Variants in NEDD4 observed in about 807,000 individuals in gnomAD.
The protein encoded by NEDD4 is E3 ubiquitin-protein ligase NEDD4.
A neutral mutation model predicts 144.9 loss-of-function variants in NEDD4; 99 were observed. That is an observed-to-expected ratio of 0.68 (90% CI 0.58 to 0.81). NEDD4 has a LOEUF of 0.81. Among genes scored for constraint, NEDD4 ranks in the 30% least tolerant of loss-of-function variants. NEDD4 has a pLI of 0.00. For synonymous variants in NEDD4, 318 were observed against 350.6 expected, an observed-to-expected ratio of 0.91 and a Z score of 1.04; for missense variants, 985 against 1,065.9, an observed-to-expected ratio of 0.92 and a Z score of 1.06.
chr15:55,935,543 T>C (rs925054003), intron 4 of NEDD4, among the ~76,000 whole-genome samples: 27 of 152,046 alleles, frequency 1.8e-4, no homozygotes, highest in South Asian at 4.2e-4. Flanking sequence ...GTTTTTTACT[T>C]TTTTAAAGGG....
At chr15:55,947,225 T>G (rs2037132562) in intron 4 of NEDD4, among the ~76,000 whole-genome samples, 1 of 152,168 alleles carries the variant, frequency 6.6e-6, no homozygotes, top group South Asian at 2.1e-4. Context: ...AGGAGGTAGT[T>G]TTTTGAAAAG....
At chr15:55,931,583 T>A (rs1310353470) in intron 4 of NEDD4, among the ~76,000 whole-genome samples, 1 of 152,082 alleles carries the variant, frequency 6.6e-6, no homozygotes, top group Non-Finnish European at 1.5e-5. Context: ...TATAAATGCA[T>A]AAAACAACAG....
chr15:55,838,242 T>C, intron 22 of NEDD4, 62 bp from the exon 23 acceptor site: 1 of 1,140,868 alleles, frequency 8.8e-7, no homozygotes, highest in Non-Finnish European at 1.3e-6. Context: ...AAAGTATACA[T>C]ATTGTAGTTA....
chr15:55,830,096 C>A, intron 28 of NEDD4, 97 bp from the exon 29 acceptor site: 1 of 801,812 alleles, frequency 1.2e-6, no homozygotes, highest in South Asian at 1.7e-5. Context: ...TGAGAATGTT[C>A]CAACACCACC....
intron 24 of NEDD4, among the ~76,000 whole-genome samples, chr15:55,836,870 G>A (rs570456123): frequency 4.6e-5 from 7 of 150,892 alleles, no homozygotes; most frequent in African/African-American, 1.5e-4. Context: ...TGTTGTCCAC[G>A]TTGGTCTCGA....
chr15:55,935,842 T>TTC, intron 4 of NEDD4, among the ~76,000 whole-genome samples: 1 of 110,696 alleles, frequency 9.0e-6, no homozygotes. Flanking sequence ...TGAGACTCTG[T>TTC]TTCAAAAAAA....
At chr15:55,911,716 G>A (rs2036281793) in intron 5 of NEDD4, among the ~76,000 whole-genome samples, 2 of 151,946 alleles carry the variant, frequency 1.3e-5, no homozygotes, top group Non-Finnish European at 2.9e-5. Context: ...TTTTAGTAGA[G>A]ACGGGGTTTC....
intron 18 of NEDD4, among the ~76,000 whole-genome samples, chr15:55,843,536 A>G (rs2033610715): frequency 6.6e-6 from 1 of 152,180 alleles, no homozygotes; most frequent in African/African-American, 2.4e-5. Flanking sequence ...ATTCCTCAGT[A>G]CTTCATGGGC....
intron 1 of NEDD4, among the ~76,000 whole-genome samples, chr15:55,990,724 T>G (rs2140459247): frequency 6.6e-6 from 1 of 152,284 alleles, no homozygotes; most frequent in South Asian, 2.1e-4. Context: ...CACCTCCATA[T>G]CACAGGGAGG....
intron 13 of NEDD4, among the ~76,000 whole-genome samples, chr15:55,851,208 G>T (rs2033966992): frequency 6.6e-6 from 1 of 152,082 alleles, no homozygotes. Flanking sequence ...AAAATGAATG[G>T]CAAATATCTA....
intron 28 of NEDD4, 88 bp from the exon 29 acceptor site, chr15:55,830,087 G>T: frequency 1.1e-6 from 1 of 912,264 alleles, no homozygotes; most frequent in East Asian, 2.5e-5. Flanking sequence ...TATTCTTGAT[G>T]AGAATGTTCC....
intron 1 of NEDD4, among the ~76,000 whole-genome samples, chr15:55,971,085 A>G (rs1595882711): frequency 6.6e-6 from 1 of 152,216 alleles, no homozygotes. Flanking sequence ...TTTAACAAAG[A>G]GATTAAAAAC....
chr15:55,898,106 A>AC (rs2035795510), intron 5 of NEDD4, among the ~76,000 whole-genome samples: 1 of 152,198 alleles, frequency 6.6e-6, no homozygotes, highest in Non-Finnish European at 1.5e-5. Context: ...AGATAAAACT[A>AC]CCCCACTTAA....
intron 4 of NEDD4, among the ~76,000 whole-genome samples, chr15:55,926,747 C>T: frequency 6.6e-6 from 1 of 151,396 alleles, no homozygotes; most frequent in East Asian, 2.0e-4. Flanking sequence ...GCCTAGATAA[C>T]AGAGTGCAAA....
intron 4 of NEDD4, among the ~76,000 whole-genome samples, chr15:55,935,515 A>G (rs1406346710): frequency 2.0e-5 from 3 of 152,100 alleles, no homozygotes; most frequent in Non-Finnish European, 4.4e-5. Context: ...AAAAAGATCC[A>G]AAGTCTTCTG....
intron 5 of NEDD4, among the ~76,000 whole-genome samples, chr15:55,906,842 T>C (rs1224866739): frequency 6.6e-6 from 1 of 152,116 alleles, no homozygotes; most frequent in Non-Finnish European, 1.5e-5. Flanking sequence ...ACGCCCATAA[T>C]CCCAATGCTT....
intron 5 of NEDD4, among the ~76,000 whole-genome samples, chr15:55,881,019 A>G (rs939669486): frequency 7.9e-5 from 12 of 152,208 alleles, no homozygotes; most frequent in African/African-American, 2.7e-4. Flanking sequence ...AAGGCCTAAC[A>G]AATTAGCTTA....
chr15:55,872,897 T>C (rs1430788806), intron 6 of NEDD4, among the ~76,000 whole-genome samples: 1 of 151,430 alleles, frequency 6.6e-6, no homozygotes, highest in Non-Finnish European at 1.5e-5. Context: ...TACTGAAAGC[T>C]TATGGTCCTG....
chr15:55,848,235 A>G, intron 17 of NEDD4, 137 bp downstream of exon 17: 1 of 779,922 alleles, frequency 1.3e-6, no homozygotes, highest in Admixed American at 2.1e-5. Context: ...GACTTGGAGT[A>G]TGGGAAATGG....
Sources: gnomAD v4.1 joint callset for allele counts (sites outside exome capture counted in the v4.1 genomes callset) on GRCh38, gnomAD v4.1.1 for gene constraint, MANE v1.5 for transcripts, NCBI Gene and HGNC (gene_info 2026-07-23, HGNC 2026-07-21) for gene names.